The following MYL2 variants were observed in gnomAD, a reference collection of about 807,000 sequenced individuals.
The protein encoded by MYL2 is myosin light chain 2, also known as myosin regulatory light chain 2, ventricular/cardiac muscle isoform.
A neutral mutation model predicts 23.0 loss-of-function variants in MYL2; 19 were observed. The ratio of observed to expected loss-of-function variants is 0.83; its 90% CI spans 0.58 to 1.21. MYL2 has a LOEUF of 1.21. MYL2 is among the 50% of genes most tolerant of loss of function. The probability of loss-of-function intolerance (pLI) is 0.00; values close to 1 mark genes in which losing one functional copy is unlikely to be tolerated. For synonymous variants in MYL2, 78 were observed against 76.2 expected (o/e 1.02, Z -0.13); for missense variants, 180 against 215.1 (o/e 0.84, Z 1.02).
Position 110,918,428 on chromosome 12 carries a change from A to C in MYL2, c.93+676T>G, listed in dbSNP as rs993534480. ...CCCAGCGTTGATGGAAATGTGGGGA[A>C]AGGCACGAGGCTGCTGGGCATAGGA... On this transcript the variant is annotated intron_variant, in intron 2 of 6. Coordinates refer to ENST00000228841, the MANE Select transcript of MYL2 (RefSeq NM_000432.4). This position sits in a 1 kb window ranked among gnomAD's most constrained non-coding sequence, Gnocchi z 4.4. Among the ~76,000 whole-genome samples the C allele has an allele frequency of 2.0e-5, 3 of 152,220 alleles. No homozygotes were observed. The highest frequency in any genetic ancestry group is 6.5e-5 in the Admixed American group (1 of 15,282).
intron 1 of MYL2, among the ~76,000 whole-genome samples, chr12:110,919,799 T>G (rs34297524): frequency 2.0e-5 from 3 of 152,226 alleles, no homozygotes; most frequent in African/African-American, 7.2e-5. Flanking sequence ...TCTCTCTGAC[T>G]TTCAATAACA....
In MYL2 at chr12:110,919,168, G is replaced by A. The variant is rs2136777450; in HGVS notation, c.29C>T (p.Ala10Val). 1 of 1,613,636 alleles carries A rather than the reference G, an allele frequency of 6.2e-7. No individual in the cohort carries two copies. Among genetic ancestry groups the A allele is most frequent in the Non-Finnish European group, 8.5e-7 (1 of 1,180,002 alleles). MAPKKAKKR[A>V]GGANSNVFSM... is the part of the protein sequence containing the mutation. ...GAACACGTTGGAGTTGGCGCCCCCGGCTCTCTTCTTTGCTTTCTTAGGTGC... is the reference window on the plus strand; with the variant it reads ...GAACACGTTGGAGTTGGCGCCCCCGACTCTCTTCTTTGCTTTCTTAGGTGC... Residue 10 changes from alanine to valine, a missense_variant, in exon 2 of 7, where the codon GCC becomes GTC. Coordinates refer to ENST00000228841, the MANE Select transcript of MYL2 (RefSeq NM_000432.4).
intron 2 of MYL2, among the ~76,000 whole-genome samples, chr12:110,917,351 T>C (rs2071693661): frequency 1.3e-5 from 2 of 152,008 alleles, no homozygotes; most frequent in South Asian, 4.2e-4. Context: ...TCCCAGCACT[T>C]TGGAGGCCGA....
chr12:110,913,426 C>T, intron 4 of MYL2, 102 bp from the exon 5 acceptor site: 1 of 1,210,538 alleles, frequency 8.3e-7, no homozygotes, highest in Non-Finnish European at 1.2e-6. Context: ...GGGGCCAGAG[C>T]AAGGCTGCTT....
rs748432062 is a variant in MYL2 at position 110,914,306 on chromosome 12, C to T, written c.170-16G>A. The stretch of plus-strand genomic sequence containing the variant: ...TTCACTCGCCCTAGGGTAGGAAACA[C>T]ACACTCAGGGACTCCGAGCTGGGGA... On this transcript the variant is annotated splice_polypyrimidine_tract_variant and intron_variant, in intron 3 of 6. Transcript: ENST00000228841. The T allele has an allele frequency of 2.5e-6, 4 of 1,587,176 alleles. 1 individual carries two copies. In the South Asian group the frequency reaches 4.4e-5, roughly 18 times the overall value.
upstream of MYL2, among the ~76,000 whole-genome samples, chr12:110,921,251 T>C (rs1207047900): frequency 1.3e-5 from 2 of 152,132 alleles, no homozygotes; most frequent in East Asian, 1.9e-4. Context: ...GTCTCAGCTA[T>C]TCAGGAGGCT....
Position 110,913,234 on chromosome 12 carries a change from G to C in MYL2, c.353+12C>G. 1 of 1,614,194 alleles carries C rather than the reference G, an allele frequency of 6.2e-7. No homozygotes were observed. Among genetic ancestry groups the C allele is most frequent in the Admixed American group, 1.7e-5 (1 of 60,012 alleles). ...CAGGGAACCCCCTTCCTCCCCCACAGACCCCACTCACTAATCAGCCTTCAG... is the reference window on the plus strand; with the variant it reads ...CAGGGAACCCCCTTCCTCCCCCACACACCCCACTCACTAATCAGCCTTCAG... On this transcript the variant is annotated intron_variant, in intron 5 of 6. Transcript: ENST00000228841.
At chr12:110,912,976 C>T (rs1042855305) in intron 6 of MYL2, 120 bp downstream of exon 6, 54 of 1,131,030 alleles carry the variant, frequency 4.8e-5, no homozygotes, top group Non-Finnish European at 6.3e-5. Flanking sequence ...CCTCAGAAGA[C>T]GATAGCTGGT....
At chr12:110,914,908 T>C (rs1315915835) in intron 3 of MYL2, among the ~76,000 whole-genome samples, 1 of 152,208 alleles carries the variant, frequency 6.6e-6, no homozygotes, top group Admixed American at 6.5e-5. Context: ...AGGCTCATGT[T>C]GTAAATTAGC....
At chr12:110,920,409 C>T in intron 1 of MYL2, 118 bp downstream of exon 1, 1 of 1,490,696 alleles carries the variant, frequency 6.7e-7, no homozygotes, top group South Asian at 1.1e-5. Context: ...GCTTTTTCCA[C>T]AAGGGGCTGG....
At chr12:110,919,602 C>T (rs1257776594) in intron 1 of MYL2, among the ~76,000 whole-genome samples, 1 of 152,120 alleles carries the variant, frequency 6.6e-6, no homozygotes, top group African/African-American at 2.4e-5. Flanking sequence ...AAGTCAGGCT[C>T]ACTAAGCCAT....
At chr12:110,915,832 T>C in intron 2 of MYL2, 42 bp from the exon 3 acceptor site, 1 of 1,567,386 alleles carries the variant, frequency 6.4e-7, no homozygotes, top group Non-Finnish European at 8.8e-7. Flanking sequence ...TGGGAGAAAC[T>C]GGCAGAGTTG....
At chr12:110,915,844 C>A (rs1360392095) in intron 2 of MYL2, 54 bp from the exon 3 acceptor site, 16 of 1,504,812 alleles carry the variant, frequency 1.1e-5, no homozygotes, top group Non-Finnish European at 1.4e-5. Context: ...GCAGAGTTGC[C>A]CAAGAGATTG....
At position 110,918,836 on chromosome 12, in the gene MYL2, G is replaced by A; in HGVS notation, c.93+268C>T. 1 of 472,694 alleles carries A rather than the reference G, an allele frequency of 2.1e-6. No homozygotes were observed. Among genetic ancestry groups the A allele is most frequent in the Non-Finnish European group, 3.8e-6 (1 of 261,064 alleles). The allele number at this position is 472,694 out of a possible 1,614,324, so 29.3% of individuals were successfully genotyped here. A position where few individuals can be genotyped will look rare whatever the true frequency, so the allele number is the denominator to read the frequency against. ...CTGATTATCTCTGGGTAATAGAATT[G>A]TAGGTAGTTTTTATTTCCTTTTCTG... On this transcript the variant is annotated intron_variant, in intron 2 of 6. Coordinates refer to ENST00000228841, the MANE Select transcript of MYL2 (RefSeq NM_000432.4). This position sits in a 1 kb window ranked among gnomAD's most constrained non-coding sequence, Gnocchi z 4.4.
Position 110,917,740 on chromosome 12 carries a change from C to G in MYL2, c.93+1364G>C, listed in dbSNP as rs561755725. Among the ~76,000 whole-genome samples the G allele has an allele frequency of 2.2e-4, 34 of 152,192 alleles. No homozygotes were observed. In the South Asian group the frequency reaches 4.1e-3, roughly 19 times the overall value. ...TGAATGTTAGTGAGGACAAAAGGTA[C>G]GACTGTTCATTTCCTGTTTGGAAGC... On this transcript the variant is annotated intron_variant, in intron 2 of 6. Coordinates refer to ENST00000228841, the MANE Select transcript of MYL2 (RefSeq NM_000432.4).
rs2071702642 is a variant in MYL2, at chr12:110,918,945, CT to C, written c.93+158del. On this transcript the variant is annotated intron_variant, in intron 2 of 6. Transcript: ENST00000228841. The surrounding 1 kb of genome is among the most constrained non-coding windows in gnomAD (Gnocchi z 4.4). The stretch of plus-strand genomic sequence containing the variant: ...TCAGTGAAAATATTAAAAATAGTTT[CT>C]TTTAAAAATTCACACATCCGTTCAG... 5 of 642,514 alleles carry C rather than the reference CT, an allele frequency of 7.8e-6. No individual in the cohort carries two copies. In the East Asian group the frequency reaches 1.4e-4, roughly 18 times the overall value. 39.8% of individuals were successfully genotyped at this position (642,514 alleles called of 1,614,324 possible).
chr12:110,913,077 GCTTGAAGGACCCCATTACCTCCTC>G lies in MYL2; in HGVS notation c.397_402+18del. On this transcript the variant is annotated splice_donor_variant and splice_donor_5th_base_variant and coding_sequence_variant and intron_variant, in exon 6 of 7. Coordinates refer to ENST00000228841, the MANE Select transcript of MYL2 (RefSeq NM_000432.4). LOFTEE classifies it high-confidence loss of function. ...ACCCAGGAGCTGGGTTAGAGGGAGT[GCTTGAAGGACCCCATTACCTCCTC>G]CTTGGAAAACCTCTCCGCCTGCGTG... The G allele has an allele frequency of 6.2e-7, 1 of 1,614,080 alleles. No homozygotes were observed. The highest frequency in any genetic ancestry group is 8.5e-7 in the Non-Finnish European group (1 of 1,179,956).
At chr12:110,920,162 A>G (rs879479541) in intron 1 of MYL2, among the ~76,000 whole-genome samples, 1 of 152,216 alleles carries the variant, frequency 6.6e-6, no homozygotes, top group Admixed American at 6.5e-5. Context: ...AGGTGAAAAC[A>G]AAAACATTCT....
Position 110,920,537 on chromosome 12 carries a change from A to G in MYL2, c.-8T>C, listed in dbSNP as rs1360567878. 4 of 1,614,038 alleles carry G rather than the reference A, an allele frequency of 2.5e-6. No homozygotes were observed. The highest frequency in any genetic ancestry group is 2.7e-5 in the African/African-American group (2 of 74,906). ...AGCCCTTGTACTCACCATGGTGGAA[A>G]GGACCCAGCACTGCCTCCCGAGAAG... On this transcript the variant is annotated 5_prime_UTR_variant, in exon 1 of 7. Transcript: ENST00000228841.
Sources: allele counts gnomAD v4.1 joint callset (sites outside exome capture counted in the v4.1 genomes callset), GRCh38; gene constraint gnomAD v4.1.1; non-coding constraint Gnocchi (gnomAD v3.1); transcripts MANE v1.5; gene names NCBI Gene and HGNC (gene_info 2026-07-23, HGNC 2026-07-21).